Variants in AP2A1 observed in about 807,000 individuals in gnomAD.
AP2A1 encodes the protein adaptor related protein complex 2 subunit alpha 1, also known as AP-2 complex subunit alpha-1.
Under a neutral mutation model 107.3 loss-of-function variants are expected in AP2A1, and 21 were observed. The observed-to-expected ratio is 0.20, with a 90% CI of 0.14 to 0.28. The LOEUF is 0.28. Among genes scored for constraint, AP2A1 ranks in the 10% least tolerant of loss-of-function variants. The pLI is 1.00. For synonymous variants in AP2A1, 602 were observed against 564.8 expected (o/e 1.07, Z -0.93); for missense variants, 873 against 1,307.7 (o/e 0.67, Z 5.13).
Position 49,802,089 on chromosome 19 carries a change from G to A in AP2A1, c.2062G>A (p.Gly688Ser). Residue 688 changes from glycine to serine, a missense_variant, in exon 15 of 23, where the codon GGC (glycine) becomes AGC (serine). This residue lies in a region of AP2A1 where 416 missense variants were observed against 473.4 expected (regional missense o/e 0.88). Coordinates refer to ENST00000354293, the MANE Select transcript of AP2A1 (RefSeq NM_130787.3). The part of the protein sequence containing the change: ...AGNLLVDVFD[G>S]PAAQPSLGPT... ...GAACCTTCTGGTGGACGTCTTCGAT[G>A]GCCCGGCCGCCCAGCCCAGCCTGGG... is the stretch of plus-strand genomic sequence containing the variant. The A allele has an allele frequency of 6.3e-7, 1 of 1,591,534 alleles. No homozygotes were observed. Among genetic ancestry groups the A allele is most frequent in the Non-Finnish European group, 8.5e-7 (1 of 1,174,452 alleles).
intron 15 of AP2A1, chr19:49,802,587 C>T (rs2073302796): frequency 1.2e-6 from 2 of 1,600,542 alleles, no homozygotes; most frequent in Non-Finnish European, 1.7e-6. Flanking sequence ...GCTGACCCAG[C>T]TCCAGCTGCT....
Position 49,793,082 on chromosome 19 carries a change from G to A in AP2A1, c.695G>A (p.Arg232His), listed in dbSNP as rs867680995. Residue 232 changes from arginine to histidine, a missense_variant, in exon 6 of 23, where the codon CGC becomes CAC. Arg to His is a conservative substitution (Grantham distance 29). Transcript: ENST00000354293. Reference sequence around the variant, plus strand: ...ACGTGCGTCTCTCTGGCTGTGTCGCGCCTGAGCCGGGTGGGTGTGGCCTAG... The same window carrying A: ...ACGTGCGTCTCTCTGGCTGTGTCGCACCTGAGCCGGGTGGGTGTGGCCTAG... Reference protein sequence around the residue: ...FKTCVSLAVSRLSRIVSSAST... With the variant: ...FKTCVSLAVSHLSRIVSSAST... 3.1e-6 allele frequency: 5 copies of A among 1,603,636 alleles called. No homozygotes were observed. The highest frequency in any genetic ancestry group is 1.3e-5 in the African/African-American group (1 of 74,766).
At position 49,788,217 on chromosome 19, in the gene AP2A1, G is replaced by C. The variant is rs1242985144; in HGVS notation, c.474-3718G>C. Among the ~76,000 whole-genome samples the C allele has an allele frequency of 6.6e-6, 1 of 152,000 alleles. No homozygotes were observed. The highest frequency in any genetic ancestry group is 2.4e-5 in the African/African-American group (1 of 41,372). The stretch of plus-strand genomic sequence containing the variant: ...CGTGGCCTCAGCTTCCCAAAGTGCT[G>C]AGATTACAGGCGTGAGCCACCGCGC... On this transcript the variant is annotated intron_variant, in intron 4 of 22. Coordinates refer to ENST00000354293, the MANE Select transcript of AP2A1 (RefSeq NM_130787.3). This position sits in a 1 kb window ranked among gnomAD's most constrained non-coding sequence, Gnocchi z 4.5.
Position 49,795,644 on chromosome 19 carries a change from C to T in AP2A1, c.720C>T (p.Ala240=). Residue 240 remains alanine, a synonymous_variant, in exon 7 of 23, where the codon GCC becomes GCT. Coordinates refer to ENST00000354293, the MANE Select transcript of AP2A1 (RefSeq NM_130787.3). The part of the protein sequence containing the change: ...VSRLSRIVSS[A]STDLQDYTYY... ...TTCCCCGCCAGATCGTCTCCTCTGC[C>T]TCCACCGACCTCCAGGACTACACCT... The T allele has an allele frequency of 6.4e-7, 1 of 1,565,890 alleles. No homozygotes were observed.
In AP2A1 at chr19:49,788,599, C is replaced by G. The variant is rs1024916459; in HGVS notation, c.474-3336C>G. 7.0e-5 allele frequency among the ~76,000 whole-genome samples: 10 copies of G among 143,336 alleles called. No individual in the cohort carries two copies. The highest frequency in any genetic ancestry group is 1.4e-4 in the Non-Finnish European group (9 of 66,266). The allele number at this position is 143,336 out of a possible 152,430, so 94.0% of individuals were successfully genotyped here. ...GCTCAGGAGATGTGCGCCGTGGCAG[C>G]GATGGGAAAGTGGCCCAGAGTCAGG... On this transcript the variant is annotated intron_variant, in intron 4 of 22. Transcript: ENST00000354293. This position sits in a 1 kb window ranked among gnomAD's most constrained non-coding sequence, Gnocchi z 4.5.
rs370419577 is a variant in AP2A1 at position 49,781,670 on chromosome 19, T to A, written c.68-87T>A. Reference sequence around the variant, plus strand: ...GGGGGCGGAGAAGATCTGCCCTTCCTGCTGGGTGGGGCCGCGCCTAGGAAA... The same window carrying A: ...GGGGGCGGAGAAGATCTGCCCTTCCAGCTGGGTGGGGCCGCGCCTAGGAAA... On this transcript the variant is annotated intron_variant, in intron 1 of 22. Coordinates refer to ENST00000354293, the MANE Select transcript of AP2A1 (RefSeq NM_130787.3). 29 of 1,360,176 alleles carry A rather than the reference T, an allele frequency of 2.1e-5. No homozygotes were observed. The East Asian group carries it at 3.5e-4, about 16-fold the overall frequency. The allele number at this position is 1,360,176 out of a possible 1,614,324, so 84.3% of individuals were successfully genotyped here. A position where few individuals can be genotyped will look rare whatever the true frequency, so the allele number is the denominator to read the frequency against.
At position 49,796,073 on chromosome 19, in the gene AP2A1, G is replaced by A. The variant is rs147149739; in HGVS notation, c.814+335G>A. ...TTGGAGAGGGAGCTCCTGGCCCAGC[G>A]TCACTCACCCGGTCAGTGGGTGATT... On this transcript the variant is annotated intron_variant, in intron 7 of 22. Coordinates refer to ENST00000354293, the MANE Select transcript of AP2A1 (RefSeq NM_130787.3). 9.3e-4 allele frequency: 279 copies of A among 300,740 alleles called. 1 individual carries two copies. Among genetic ancestry groups the A allele is most frequent in the African/African-American group, 5.0e-3 (230 of 46,454 alleles). 18.6% of individuals were successfully genotyped at this position (300,740 alleles called of 1,614,324 possible). A position where few individuals can be genotyped will look rare whatever the true frequency, so the allele number is the denominator to read the frequency against.
At chr19:49,777,011 T>C (rs2084623469) in intron 1 of AP2A1, among the ~76,000 whole-genome samples, 1 of 149,132 alleles carries the variant, frequency 6.7e-6, no homozygotes, top group African/African-American at 2.5e-5. Context: ...GGTGGATCAC[T>C]TGAGGTCAGA....
chr19:49,794,670 C>T (rs1229249996), intron 6 of AP2A1, among the ~76,000 whole-genome samples: 4 of 151,086 alleles, frequency 2.6e-5, no homozygotes, highest in Non-Finnish European at 5.9e-5. Flanking sequence ...CATGATCTTT[C>T]TTTTTTTTTG....
chr19:49,780,948 A>T (rs2084668272), intron 1 of AP2A1, among the ~76,000 whole-genome samples: 1 of 152,062 alleles, frequency 6.6e-6, no homozygotes, highest in Non-Finnish European at 1.5e-5. Flanking sequence ...GAGAAGAGGG[A>T]ACGGTAGAAC....
rs2084692678 is a variant in AP2A1 at position 49,782,732 on chromosome 19, A to T, written c.473+8A>T. 6.3e-7 allele frequency: 1 copy of T among 1,587,542 alleles called. No individual in the cohort carries two copies. On this transcript the variant is annotated splice_region_variant and intron_variant, in intron 4 of 22. Coordinates refer to ENST00000354293, the MANE Select transcript of AP2A1 (RefSeq NM_130787.3). The stretch of plus-strand genomic sequence containing the variant: ...CCGCATCCTGGTGGCCGGGTAAGGC[A>T]CTGGGGACCCGTTGGCAGTGGGGGG...
chr19:49,801,328 G>A (rs1391462255), intron 12 of AP2A1, 62 bp from the exon 13 acceptor site: 5 of 1,517,612 alleles, frequency 3.3e-6, no homozygotes, highest in South Asian at 1.1e-5. Flanking sequence ...GGCACCTCTC[G>A]AGGGGGTTTC....
chr19:49,791,524 G>T (rs2123719313), intron 4 of AP2A1, among the ~76,000 whole-genome samples: 1 of 152,276 alleles, frequency 6.6e-6, no homozygotes, highest in Middle Eastern at 3.4e-3. Flanking sequence ...ACCATGCCCA[G>T]CCCTGACAGT....
In AP2A1 at chr19:49,799,689, C is replaced by A; in HGVS notation, c.1195C>A (p.Arg399=). 6.2e-7 allele frequency: 1 copy of A among 1,613,104 alleles called. No homozygotes were observed. Among genetic ancestry groups the A allele is most frequent in the Non-Finnish European group, 8.5e-7 (1 of 1,179,872 alleles). The change falls in exon 10 of 23, where the codon CGG becomes AGG. Residue 399 remains arginine, a synonymous_variant. Transcript: ENST00000354293. ...TGACCTCCTCTACGCCATGTGTGAC[C>A]GGAGCAATGCCAAGCAGATCGTGTC... ...AADLLYAMCD[R]SNAKQIVSEM... is the part of the protein sequence containing the mutation.
At position 49,802,071 on chromosome 19, in the gene AP2A1, C is replaced by G; in HGVS notation, c.2044C>G (p.Leu682Val). Residue 682 changes from leucine to valine, a missense_variant, in exon 15 of 23, where the codon CTG becomes GTG. By Grantham distance (32) the Leu-to-Val change is conservative (BLOSUM62 1). Around this residue, in one of 4 missense-constraint regions of AP2A1, gnomAD observed 416 missense variants for 473.4 expected, o/e 0.88. Transcript: ENST00000354293. ...GGCTTCTGCAGGAGCAGGGAACCTT[C>G]TGGTGGACGTCTTCGATGGCCCGGC... ...PPASAGAGNL[L>V]VDVFDGPAAQ... The G allele has an allele frequency of 6.3e-7, 1 of 1,592,732 alleles. No homozygotes were observed. Among genetic ancestry groups the G allele is most frequent in the Non-Finnish European group, 8.5e-7 (1 of 1,174,410 alleles).
intron 1 of AP2A1, among the ~76,000 whole-genome samples, chr19:49,776,955 G>C (rs573875380): frequency 6.6e-6 from 1 of 152,154 alleles, no homozygotes; most frequent in Non-Finnish European, 1.5e-5. Context: ...CAGGTGCAGT[G>C]GCTCATGCCT....
rs2084510525 is a variant in AP2A1, at chr19:49,767,125, AC to A, written c.-7del. ...TCCGGCCAGGCCTGGAGCCGACACC[AC>A]CGCCATCATGCCGGCCGTGTCCAAG... On this transcript the variant is annotated 5_prime_UTR_variant, in exon 1 of 23. Coordinates refer to ENST00000354293, the MANE Select transcript of AP2A1 (RefSeq NM_130787.3). The A allele has an allele frequency of 7.5e-6, 12 of 1,610,488 alleles. No homozygotes were observed. Among genetic ancestry groups the A allele is most frequent in the Non-Finnish European group, 1.0e-5 (12 of 1,179,516 alleles).
intron 1 of AP2A1, among the ~76,000 whole-genome samples, chr19:49,780,709 A>G (rs2084665346): frequency 6.6e-6 from 1 of 152,090 alleles, no homozygotes; most frequent in Admixed American, 6.6e-5. Flanking sequence ...CATGTTCTGA[A>G]GGTCAAGTTA....
At chr19:49,787,347 GTTTTTTGTTTTT>G (rs2084752714) in intron 4 of AP2A1, among the ~76,000 whole-genome samples, 3 of 96,180 alleles carry the variant, frequency 3.1e-5, no homozygotes, top group African/African-American at 1.3e-4. Context: ...TGTTTTTTTT[GTTTTTTGTTTTT>G]TTTTTTTTGA....
Sources: allele counts gnomAD v4.1 joint callset (sites outside exome capture counted in the v4.1 genomes callset), GRCh38; gene constraint gnomAD v4.1.1; regional missense constraint gnomAD v4.1.1; non-coding constraint Gnocchi (gnomAD v3.1); transcripts MANE v1.5; gene names NCBI Gene and HGNC (gene_info 2026-07-23, HGNC 2026-07-21).